Variants in MED12L observed in about 807,000 individuals in gnomAD.
MED12L encodes the protein mediator of RNA polymerase II transcription subunit 12-like protein.
In MED12L, 60 loss-of-function variants were observed where a neutral mutation model predicts 281.3. The observed-to-expected ratio is 0.21, with a 90% CI of 0.17 to 0.26. MED12L has a LOEUF of 0.26. MED12L is among the 10% of genes least tolerant of loss of function. The pLI is 1.00. For missense variants in MED12L, 2,146 were observed against 2,680.9 expected (o/e 0.80, Z 4.41); for synonymous variants, 974 against 987.2 (o/e 0.99, Z 0.25).
intron 5 of MED12L, among the ~76,000 whole-genome samples, chr3:151,142,816 G>T (rs1717243362): frequency 6.6e-6 from 1 of 150,856 alleles, no homozygotes; most frequent in African/African-American, 2.4e-5. Context: ...TAAATAGAAA[G>T]CTTTTTTTTT....
intron 16 of MED12L, among the ~76,000 whole-genome samples, chr3:151,293,350 C>T (rs538351090): frequency 2.0e-5 from 3 of 152,262 alleles, no homozygotes; most frequent in African/African-American, 7.2e-5. Flanking sequence ...AACACGCCTT[C>T]ACTCCTCCTC....
intron 3 of MED12L, among the ~76,000 whole-genome samples, chr3:151,119,403 C>T (rs961846657): frequency 2.6e-5 from 4 of 152,152 alleles, no homozygotes; most frequent in Non-Finnish European, 4.4e-5. Context: ...TCTCCAGATG[C>T]GTCTCTCCTT....
Position 151,380,597 on chromosome 3 carries a change from C to CA in MED12L, c.4590+391dup, listed in dbSNP as rs56792030. Among the ~76,000 whole-genome samples, 490 of 113,168 alleles carry CA rather than the reference C, an allele frequency of 4.3e-3. 1 individual carries two copies. The highest frequency in any genetic ancestry group is 0.018 in the South Asian group (63 of 3,558). The allele number at this position is 113,168 out of a possible 152,430, so 74.2% of individuals were successfully genotyped here. A position where few individuals can be genotyped will look rare whatever the true frequency, so the allele number is the denominator to read the frequency against. ...GGGAAACAATAGTGAAACTCTGTCT[C>CA]AAAAAAAAAAAAAAAAAACAACTAG... On this transcript the variant is annotated intron_variant, in intron 32 of 44. Coordinates refer to ENST00000687756, the MANE Select transcript of MED12L (RefSeq NM_001393769.1).
chr3:151,214,203 T>G (rs781402240), intron 16 of MED12L: 1 of 1,613,786 alleles, frequency 6.2e-7, no homozygotes, highest in Non-Finnish European at 8.5e-7. Flanking sequence ...CTCCATTGAG[T>G]AGGATTCCTG....
intron 16 of MED12L, among the ~76,000 whole-genome samples, chr3:151,238,678 A>T (rs969758218): frequency 7.3e-6 from 1 of 136,714 alleles, no homozygotes; most frequent in Non-Finnish European, 1.6e-5. Flanking sequence ...TACCTTACTG[A>T]CATACAATCT....
chr3:151,106,500 T>G (rs1183617925), intron 2 of MED12L, among the ~76,000 whole-genome samples: 1 of 151,920 alleles, frequency 6.6e-6, no homozygotes, highest in East Asian at 1.9e-4. Flanking sequence ...CTTAAAACCT[T>G]TACTGTTCTT....
Position 151,269,397 on chromosome 3 carries a change from TCACACACACACACACACACA to T in MED12L, c.2250+75756_2250+75775del, listed in dbSNP as rs71801434. 209 of 144,836 alleles carry T rather than the reference TCACACACACACACACACACA, an allele frequency of 1.4e-3. 1 individual carries two copies. The highest frequency in any genetic ancestry group is 5.2e-3 in the African/African-American group (179 of 34,154). The allele number at this position is 144,836 out of a possible 1,614,324, so 9.0% of individuals were successfully genotyped here. A position where few individuals can be genotyped will look rare whatever the true frequency, so the allele number is the denominator to read the frequency against. ...CCTGGGCAACAAGAGTGAAACTCCA[TCACACACACACACACACACA>T]CACACACACACACACACACACACAA... On this transcript the variant is annotated intron_variant, in intron 16 of 44. Coordinates refer to ENST00000687756, the MANE Select transcript of MED12L (RefSeq NM_001393769.1).
At chr3:151,152,782 C>T (rs890869983) in intron 5 of MED12L, among the ~76,000 whole-genome samples, 5 of 152,162 alleles carry the variant, frequency 3.3e-5, no homozygotes, top group Non-Finnish European at 7.3e-5. Flanking sequence ...GAGATTTGGA[C>T]CCCAGGCCAT....
intron 16 of MED12L, among the ~76,000 whole-genome samples, chr3:151,263,930 G>C (rs1032803114): frequency 6.6e-6 from 1 of 152,158 alleles, no homozygotes; most frequent in African/African-American, 2.4e-5. Flanking sequence ...TTAATGTTAG[G>C]AATTGTAGAA....
chr3:151,425,698 G>A (rs1444757789), intron 43 of MED12L: 1 of 456,608 alleles, frequency 2.2e-6, no homozygotes, highest in African/African-American at 2.0e-5. Flanking sequence ...TACAGCAGGA[G>A]CATGGCATGG....
rs958403252 is a variant in MED12L, at chr3:151,172,153, CAG to C, written c.1494+6172_1494+6173del. On this transcript the variant is annotated intron_variant, in intron 11 of 44. Transcript: ENST00000687756. ...CAGGTAGAGGTAGGGGTGTGGCTGA[CAG>C]GGGAGCTCTCTGCTGTGAAATCAGC... Among the ~76,000 whole-genome samples, 11 of 152,056 alleles carry C rather than the reference CAG, an allele frequency of 7.2e-5. No individual in the cohort carries two copies. In the East Asian group the frequency reaches 7.7e-4, roughly 11 times the overall value.
At chr3:151,130,761 C>T (rs1715276059) in intron 5 of MED12L, among the ~76,000 whole-genome samples, 1 of 152,202 alleles carries the variant, frequency 6.6e-6, no homozygotes. Flanking sequence ...CCTTCTCCAA[C>T]CACTGCTGCC....
In MED12L at chr3:151,355,911, C is replaced by T. The variant is rs768198407; in HGVS notation, c.2533C>T (p.Leu845=). The change falls in exon 19 of 45, where the codon CTA becomes TTA. Residue 845 remains leucine, a synonymous_variant. Coordinates refer to ENST00000687756, the MANE Select transcript of MED12L (RefSeq NM_001393769.1). The part of the protein sequence containing the change: ...QVTSQISNNV[L]EQITSFASGT... Reference sequence around the variant, plus strand: ...ATTTGCACAGATTTCTAACAATGTGCTAGAACAAATCACAAGCTTTGCGTC... The same window carrying T: ...ATTTGCACAGATTTCTAACAATGTGTTAGAACAAATCACAAGCTTTGCGTC... 217 of 1,613,144 alleles carry T rather than the reference C, an allele frequency of 1.3e-4. No homozygotes were observed. Among genetic ancestry groups the T allele is most frequent in the Non-Finnish European group, 1.7e-4 (197 of 1,179,716 alleles).
At chr3:151,221,555 T>A (rs28831788) in intron 16 of MED12L, among the ~76,000 whole-genome samples, 21,441 of 152,120 alleles carry the variant, frequency 0.14, 1,595 homozygotes, top group Middle Eastern at 0.17. Context: ...GCCACTCTAG[T>A]GTGGCTGAAA....
chr3:151,268,152 A>G (rs6440731), intron 16 of MED12L, among the ~76,000 whole-genome samples: 133,880 of 152,190 alleles, frequency 0.88, 59,132 homozygotes, highest in African/African-American at 0.97. Context: ...CAAAGCATTA[A>G]TAAAACATTT....
intron 16 of MED12L, among the ~76,000 whole-genome samples, chr3:151,265,761 T>A (rs1464526296): frequency 6.6e-6 from 1 of 152,160 alleles, no homozygotes; most frequent in Non-Finnish European, 1.5e-5. Context: ...GTATAGTATT[T>A]CTGGTTCTGT....
intron 3 of MED12L, among the ~76,000 whole-genome samples, chr3:151,117,974 C>G (rs1713106413): frequency 6.6e-6 from 1 of 150,956 alleles, no homozygotes; most frequent in Admixed American, 6.6e-5. Flanking sequence ...GCCTGTAATC[C>G]CAGCTACTTG....
chr3:151,338,417 A>T (rs1445495398), intron 16 of MED12L: 9 of 1,613,968 alleles, frequency 5.6e-6, no homozygotes, highest in African/African-American at 1.3e-5. Flanking sequence ...CAACAGAGAG[A>T]ATCTTAGCCC....
At chr3:151,130,838 G>T (rs940878697) in intron 5 of MED12L, among the ~76,000 whole-genome samples, 1 of 152,114 alleles carries the variant, frequency 6.6e-6, no homozygotes, top group Admixed American at 6.5e-5. Context: ...AACACCATCT[G>T]ATGTTATATT....
Sources: gnomAD v4.1 joint callset for allele counts (sites outside exome capture counted in the v4.1 genomes callset) on GRCh38, gnomAD v4.1.1 for gene constraint, MANE v1.5 for transcripts, NCBI Gene and HGNC (gene_info 2026-07-23, HGNC 2026-07-21) for gene names.